The following GOLGB1 variants were observed in gnomAD, a reference collection of about 807,000 sequenced individuals.
GOLGB1 encodes the protein golgin B1, also known as golgin subfamily B member 1.
Under a neutral mutation model 336.9 loss-of-function variants are expected in GOLGB1, and 174 were observed. The observed-to-expected ratio is 0.52, with a 90% CI of 0.46 to 0.59. The LOEUF is 0.59. GOLGB1 is among the 20% of genes least tolerant of loss of function. The probability of loss-of-function intolerance (pLI) is 0.00; values close to 1 mark genes in which losing one functional copy is unlikely to be tolerated. For missense variants in GOLGB1, 3,331 were observed against 3,645.3 expected, an observed-to-expected ratio of 0.91 and a Z score of 2.22; for synonymous variants, 1,208 against 1,289.2, an observed-to-expected ratio of 0.94 and a Z score of 1.35.
rs552976564 is a variant in GOLGB1 at position 121,699,168 on chromosome 3, T to C, written c.1594-239A>G. Among the ~76,000 whole-genome samples the C allele has an allele frequency of 9.2e-5, 14 of 152,254 alleles. No homozygotes were observed. The South Asian group carries it at 2.5e-3, about 27-fold the overall frequency. ...GCCCTATTCATAAGACCTAAGGAAA[T>C]TGGGAATTCATTTTCTAGATATTCC... On this transcript the variant is annotated intron_variant, in intron 12 of 21. Coordinates refer to ENST00000614479, the MANE Select transcript of GOLGB1 (RefSeq NM_001366282.2).
Position 121,692,542 on chromosome 3 carries a change from C to G in GOLGB1, c.6822G>C (p.Gln2274His). Reference sequence around the variant, plus strand: ...CCTTCTGCTGAAGCTGGACCTCTGTCTGGGCCTTGGACTCCCAAATCTGCT... The same window carrying G: ...CCTTCTGCTGAAGCTGGACCTCTGTGTGGGCCTTGGACTCCCAAATCTGCT... ...HDKQIWESKA[Q>H]TEVQLQQKVC... is the part of the protein sequence containing the mutation. The change falls in exon 14 of 22, where the codon CAG becomes CAC. Residue 2274 changes from glutamine to histidine, a missense_variant. By Grantham distance (24) the Gln-to-His change is conservative. Coordinates refer to ENST00000614479, the MANE Select transcript of GOLGB1 (RefSeq NM_001366282.2). The G allele has an allele frequency of 6.2e-7, 1 of 1,605,362 alleles. No individual in the cohort carries two copies. Among genetic ancestry groups the G allele is most frequent in the Non-Finnish European group, 8.5e-7 (1 of 1,177,226 alleles).
chr3:121,729,754 G>A (rs1945943887), intron 3 of GOLGB1, 111 bp downstream of exon 3: 2 of 817,934 alleles, frequency 2.4e-6, no homozygotes, highest in Admixed American at 2.3e-5. Context: ...TACAGTACTA[G>A]GGAGATAATC....
Position 121,696,965 on chromosome 3 carries a change from C to G in GOLGB1, c.3558G>C (p.Gln1186His). ...TTGCCTTGCGGGAGGTTAAGGCTTC[C>G]TGTAGCTTCTTTTGAAGTTGCTCCT... ...KEKEQLQKKL[Q>H]EALTSRKAIL... The change falls in exon 13 of 22, where the codon CAG becomes CAC. Residue 1186 changes from glutamine to histidine, a missense_variant. Physicochemically the swap from Gln to His is conservative, Grantham distance 24. Transcript: ENST00000614479. 6.2e-7 allele frequency: 1 copy of G among 1,614,042 alleles called. No individual in the cohort carries two copies. Among genetic ancestry groups the G allele is most frequent in the Non-Finnish European group, 8.5e-7 (1 of 1,179,958 alleles).
intron 5 of GOLGB1, among the ~76,000 whole-genome samples, chr3:121,724,755 C>A (rs1266369179): frequency 2.0e-5 from 3 of 152,140 alleles, no homozygotes; most frequent in Non-Finnish European, 4.4e-5. Flanking sequence ...TTTTAGAAAT[C>A]TTTAAGGCTG....
chr3:121,669,383 T>C (rs1939166707), intron 17 of GOLGB1, 28 bp from the exon 18 acceptor site: 1 of 1,601,152 alleles, frequency 6.2e-7, no homozygotes. Flanking sequence ...ATAAGCATCA[T>C]CCTGCAGTAC....
chr3:121,708,339 T>A (rs1038026776), intron 10 of GOLGB1, among the ~76,000 whole-genome samples: 49 of 152,238 alleles, frequency 3.2e-4, no homozygotes, highest in Admixed American at 2.2e-3. Flanking sequence ...GTTTTATATG[T>A]CATCAAATTG....
chr3:121,671,503 AT>A (rs1049074883), intron 17 of GOLGB1, among the ~76,000 whole-genome samples: 2 of 152,180 alleles, frequency 1.3e-5, no homozygotes, highest in African/African-American at 2.4e-5. Flanking sequence ...TACTTAAAAA[AT>A]TTTTTAATTC....
At chr3:121,683,390 C>G (rs910984124) in intron 14 of GOLGB1, among the ~76,000 whole-genome samples, 9 of 152,094 alleles carry the variant, frequency 5.9e-5, no homozygotes, top group Non-Finnish European at 1.3e-4. Context: ...TGAAGTCTTT[C>G]CCCTACTGAG....
intron 10 of GOLGB1, among the ~76,000 whole-genome samples, chr3:121,711,861 TA>T (rs1450470912): frequency 1.3e-5 from 2 of 152,198 alleles, no homozygotes; most frequent in Non-Finnish European, 1.5e-5. Flanking sequence ...TTCGTAGATT[TA>T]AAAGTACAGT....
intron 17 of GOLGB1, among the ~76,000 whole-genome samples, chr3:121,671,795 T>C (rs936924577): frequency 6.6e-6 from 1 of 152,062 alleles, no homozygotes; most frequent in African/African-American, 2.4e-5. Context: ...CATTCCCTCC[T>C]CTCCTTTATC....
chr3:121,743,880 A>T (rs140755094), intron 1 of GOLGB1, among the ~76,000 whole-genome samples: 1 of 152,188 alleles, frequency 6.6e-6, no homozygotes, highest in Non-Finnish European at 1.5e-5. Context: ...AATAAATTTT[A>T]ATTAGAATAT....
At chr3:121,687,651 G>A (rs1008565396) in intron 14 of GOLGB1, among the ~76,000 whole-genome samples, 4 of 152,210 alleles carry the variant, frequency 2.6e-5, no homozygotes, top group Admixed American at 6.5e-5. Flanking sequence ...TGGCTTGGCT[G>A]TAACTATCCA....
At chr3:121,681,585 G>A (rs891479176) in intron 15 of GOLGB1, 102 bp downstream of exon 15, 2 of 785,020 alleles carry the variant, frequency 2.5e-6, no homozygotes, top group African/African-American at 1.7e-5. Context: ...ACTGGGTGAA[G>A]GGTACATAGA....
At position 121,691,727 on chromosome 3, in the gene GOLGB1, T is replaced by C; in HGVS notation, c.7637A>G (p.Asn2546Ser). 1 of 1,613,628 alleles carries C rather than the reference T, an allele frequency of 6.2e-7. No homozygotes were observed. Among genetic ancestry groups the C allele is most frequent in the Non-Finnish European group, 8.5e-7 (1 of 1,179,880 alleles). The change falls in exon 14 of 22, where the codon AAC becomes AGC. Residue 2546 changes from asparagine to serine, a missense_variant. By Grantham distance (46) the Asn-to-Ser change is conservative (BLOSUM62 1). Coordinates refer to ENST00000614479, the MANE Select transcript of GOLGB1 (RefSeq NM_001366282.2). The part of the protein sequence containing the change: ...AELIQYREDL[N>S]QVITIKDSQQ... ...GCTGTCCTTTATTGTTATCACTTGG[T>C]TCAGGTCTTCTCTATATTGGATCAG...
chr3:121,700,002 A>C lies in GOLGB1; in HGVS notation c.1520-117T>G, dbSNP rs752715674. 6.2e-5 allele frequency: 38 copies of C among 613,310 alleles called. No individual in the cohort carries two copies. In the Middle Eastern group the frequency reaches 2.5e-3, roughly 40 times the overall value. 38.0% of individuals were successfully genotyped at this position (613,310 alleles called of 1,614,324 possible). ...TAATTTTTTAAAAAATAAACAAAAT[A>C]GCTTGGGAGAGGTGAAAGCCTTATT... is the stretch of plus-strand genomic sequence containing the variant. On this transcript the variant is annotated intron_variant, in intron 11 of 21. Coordinates refer to ENST00000614479, the MANE Select transcript of GOLGB1 (RefSeq NM_001366282.2).
intron 10 of GOLGB1, among the ~76,000 whole-genome samples, chr3:121,713,087 G>A (rs374094858): frequency 6.9e-4 from 105 of 152,088 alleles, no homozygotes; most frequent in Non-Finnish European, 8.5e-4. Flanking sequence ...GCCTGAACCC[G>A]GGAGGTCGAG....
intron 13 of GOLGB1, 128 bp downstream of exon 13, chr3:121,693,613 G>T: frequency 1.4e-6 from 1 of 695,498 alleles, no homozygotes; most frequent in Non-Finnish European, 2.4e-6. Context: ...AGAAGTGAGA[G>T]AGAATATATC....
chr3:121,730,125 T>A, intron 2 of GOLGB1, 108 bp from the exon 3 acceptor site: 1 of 667,618 alleles, frequency 1.5e-6, no homozygotes, highest in Non-Finnish European at 2.6e-6. Flanking sequence ...ATATTCTTGT[T>A]AACTTAAGAA....
chr3:121,677,370 T>G lies in GOLGB1; in HGVS notation c.8954A>C (p.Gln2985Pro). The change falls in exon 16 of 22, where the codon CAG becomes CCG. Residue 2985 changes from glutamine (Q) to proline (P), a missense_variant. Transcript: ENST00000614479. Reference sequence around the variant, plus strand: ...TATAAGATTCTGCAGATGACTGAGCTGCTGATCTTTATCTGAGATAGCCAT... The same window carrying G: ...TATAAGATTCTGCAGATGACTGAGCGGCTGATCTTTATCTGAGATAGCCAT... ...YLMAISDKDQQLSHLQNLIRE... is the reference protein window; with the variant it reads ...YLMAISDKDQPLSHLQNLIRE... 3 of 1,605,826 alleles carry G rather than the reference T, an allele frequency of 1.9e-6. No homozygotes were observed. Among genetic ancestry groups the G allele is most frequent in the Non-Finnish European group, 2.6e-6 (3 of 1,172,404 alleles).
Sources: gnomAD v4.1 joint callset for allele counts (sites outside exome capture counted in the v4.1 genomes callset) on GRCh38, gnomAD v4.1.1 for gene constraint, MANE v1.5 for transcripts, NCBI Gene and HGNC (gene_info 2026-07-23, HGNC 2026-07-21) for gene names.